MAP4K4: variants seen among roughly 807,000 people sequenced by gnomAD.
MAP4K4 encodes HPK/GCK-like kinase HGK.
A neutral mutation model predicts 189.6 loss-of-function variants in MAP4K4; 38 were observed. The ratio of observed to expected loss-of-function variants is 0.20; its 90% CI spans 0.15 to 0.26. The LOEUF is 0.26. Ranked by LOEUF, MAP4K4 falls within the 10% of genes least tolerant of loss-of-function variation. The probability of loss-of-function intolerance (pLI) is 1.00; values close to 1 mark genes in which losing one functional copy is unlikely to be tolerated. For missense variants in MAP4K4, 1,054 were observed against 1,726.9 expected, an observed-to-expected ratio of 0.61 and a Z score of 6.91; for synonymous variants, 610 against 624.3, an observed-to-expected ratio of 0.98 and a Z score of 0.34.
At chr2:101,795,603 C>T (rs7601223) in intron 3 of MAP4K4, among the ~76,000 whole-genome samples, 10,146 of 152,200 alleles carry the variant, frequency 0.067, 431 homozygotes, top group African/African-American at 0.12. Flanking sequence ...AACTCACCTA[C>T]CAAGACATGG....
intron 9 of MAP4K4, among the ~76,000 whole-genome samples, chr2:101,838,508 T>C (rs1484947302): frequency 6.6e-6 from 1 of 152,244 alleles, no homozygotes; most frequent in Non-Finnish European, 1.5e-5. Context: ...TCCCTACTTT[T>C]GTTCATATCA....
intron 26 of MAP4K4, 148 bp downstream of exon 26, chr2:101,874,400 A>G: frequency 3.1e-6 from 2 of 651,108 alleles, no homozygotes; most frequent in Non-Finnish European, 2.6e-6. Context: ...AGAGTGGTAT[A>G]TTAGCAGACT....
chr2:101,698,255 C>T, intron 1 of MAP4K4, 118 bp downstream of exon 1: 1 of 387,096 alleles, frequency 2.6e-6, no homozygotes, highest in African/African-American at 2.2e-5. Flanking sequence ...CGGGGCGCGG[C>T]GGCCCCTTTG....
exon 33 of MAP4K4, chr2:101,892,083 T>C (rs1185166203): frequency 6.6e-6 from 1 of 150,784 alleles, no homozygotes; most frequent in Non-Finnish European, 1.5e-5. Flanking sequence ...CGTGTGACAG[T>C]ATTAGCACTG....
chr2:101,818,491 G>T (rs2095851050), intron 3 of MAP4K4, among the ~76,000 whole-genome samples: 1 of 152,144 alleles, frequency 6.6e-6, no homozygotes, highest in African/African-American at 2.4e-5. Flanking sequence ...TTGGATTCCA[G>T]TTAGCTTATC....
At chr2:101,716,172 C>T (rs562113624) in intron 2 of MAP4K4, among the ~76,000 whole-genome samples, 56 of 152,236 alleles carry the variant, frequency 3.7e-4, no homozygotes, top group African/African-American at 1.3e-3. Context: ...TACAGATGGC[C>T]GTGGCTCACG....
rs1180460857 is a variant in MAP4K4 at position 101,824,198 on chromosome 2, T to C, written c.306+145T>C. 1.0e-5 allele frequency: 8 copies of C among 766,048 alleles called. No homozygotes were observed. The Admixed American group carries it at 1.8e-4, about 17-fold the overall frequency. The allele number at this position is 766,048 out of a possible 1,614,324, so 47.5% of individuals were successfully genotyped here. A position where few individuals can be genotyped will look rare whatever the true frequency, so the allele number is the denominator to read the frequency against. ...TAGCTGGCAGGTTCTAAAGGCTTCC[T>C]TGGCTTGTATCTGTGGGTTGACTAT... is the stretch of plus-strand genomic sequence containing the variant. On this transcript the variant is annotated intron_variant, in intron 4 of 32. Transcript: ENST00000324219.
rs567880641 is a variant in MAP4K4 at position 101,754,273 on chromosome 2, A to G, written c.124-36447A>G. On this transcript the variant is annotated intron_variant, in intron 2 of 32. Transcript: ENST00000324219. ...TGCCAACTCTGGGAAATCACTTTCA[A>G]GGTATGGATTATGACATCATTCTAT... 2.7e-4 allele frequency among the ~76,000 whole-genome samples: 41 copies of G among 151,734 alleles called. No individual in the cohort carries two copies. The South Asian group carries it at 8.1e-3, about 30-fold the overall frequency.
intron 2 of MAP4K4, among the ~76,000 whole-genome samples, chr2:101,737,822 C>A (rs565631092): frequency 6.6e-6 from 1 of 152,072 alleles, no homozygotes. Context: ...CTCTCTCCCC[C>A]CTCTTTCTCC....
chr2:101,841,718 C>T (rs1431935989), intron 10 of MAP4K4, among the ~76,000 whole-genome samples: 1 of 152,188 alleles, frequency 6.6e-6, no homozygotes, highest in Non-Finnish European at 1.5e-5. Context: ...CTGCCCGCCT[C>T]AGTCTCCCAA....
chr2:101,748,632 A>G (rs116730425), intron 2 of MAP4K4, among the ~76,000 whole-genome samples: 1,628 of 152,242 alleles, frequency 0.011, 39 homozygotes, highest in African/African-American at 0.037. Context: ...GACATGGCAA[A>G]ACCCCATCTC....
At chr2:101,709,192 A>G (rs546137978) in intron 2 of MAP4K4, among the ~76,000 whole-genome samples, 2 of 152,228 alleles carry the variant, frequency 1.3e-5, no homozygotes, top group East Asian at 3.9e-4. Context: ...ATTATTAGTC[A>G]TTACTGTGAG....
intron 3 of MAP4K4, among the ~76,000 whole-genome samples, 194 bp downstream of exon 3, chr2:101,790,970 C>T (rs1558940720): frequency 6.6e-6 from 1 of 152,122 alleles, no homozygotes. Flanking sequence ...AACTAAAAGG[C>T]AGTAGCATTT....
chr2:101,893,374 C>T, exon 33 of MAP4K4: 1 of 380,570 alleles, frequency 2.6e-6, no homozygotes, highest in Non-Finnish European at 5.2e-6. Flanking sequence ...TTGTAGTTAA[C>T]CTAGAGAAGG....
In MAP4K4 at chr2:101,843,541, G is replaced by T. The variant is rs191856871; in HGVS notation, c.1023-560G>T. On this transcript the variant is annotated intron_variant, in intron 11 of 32. Coordinates refer to ENST00000324219, the Ensembl canonical transcript of MAP4K4. ...GAGATATGTTTGCCATGCTGCTCTG[G>T]ATGCTGTGGCAGTGGAGAAGTAACT... is the stretch of plus-strand genomic sequence containing the variant. Among the ~76,000 whole-genome samples the T allele has an allele frequency of 3.5e-3, 531 of 152,306 alleles. 2 individuals carry two copies. Among genetic ancestry groups the T allele is most frequent in the African/African-American group, 0.012 (507 of 41,570 alleles).
intron 22 of MAP4K4, 104 bp downstream of exon 22, chr2:101,869,901 T>C: frequency 7.1e-7 from 1 of 1,406,222 alleles, no homozygotes; most frequent in South Asian, 1.5e-5. Context: ...CCATGAGCAC[T>C]TACTATGTAG....
chr2:101,829,280 C>T (rs529805340), intron 5 of MAP4K4, among the ~76,000 whole-genome samples: 20 of 152,158 alleles, frequency 1.3e-4, no homozygotes, highest in East Asian at 3.9e-4. Context: ...GTTGCTCACA[C>T]GGGGAACCTA....
chr2:101,852,791 C>G (rs1379764043), intron 12 of MAP4K4, among the ~76,000 whole-genome samples: 1 of 152,088 alleles, frequency 6.6e-6, no homozygotes, highest in African/African-American at 2.4e-5. Context: ...CATCCCCTGC[C>G]CCCAGCAGGT....
intron 3 of MAP4K4, among the ~76,000 whole-genome samples, chr2:101,797,891 T>TTTTTTTTTTTTTTG (rs2093933106): frequency 1.1e-4 from 1 of 8,968 alleles, no homozygotes; most frequent in Non-Finnish European, 1.8e-4. Context: ...TTCTTTTAGT[T>TTTTTTTTTTTTTTG]TTTTTTTTTT....
Sources: gnomAD v4.1 joint callset for allele counts (sites outside exome capture counted in the v4.1 genomes callset) on GRCh38, gnomAD v4.1.1 for gene constraint, MANE v1.5 for transcripts, NCBI Gene and HGNC (gene_info 2026-07-23, HGNC 2026-07-21) for gene names.